BLMH: variants seen among roughly 807,000 people sequenced by gnomAD.
BLMH encodes the protein bleomycin hydrolase.
A neutral mutation model predicts 61.6 loss-of-function variants in BLMH; 32 were observed. The observed-to-expected ratio is 0.52, with a 90% CI of 0.39 to 0.70. The LOEUF is 0.70. Ranked by LOEUF, BLMH falls within the 30% of genes least tolerant of loss-of-function variation. BLMH has a pLI of 0.00. For synonymous variants in BLMH, 183 were observed against 193.8 expected (o/e 0.94, Z 0.46); for missense variants, 460 against 555.5 (o/e 0.83, Z 1.73).
In BLMH at chr17:30,288,636, C is replaced by G. The variant is rs567409474; in HGVS notation, c.322-689G>C. Among the ~76,000 whole-genome samples the G allele has an allele frequency of 2.6e-5, 4 of 152,178 alleles. No individual in the cohort carries two copies. In the South Asian group the frequency reaches 8.3e-4, roughly 32 times the overall value. On this transcript the variant is annotated intron_variant, in intron 3 of 11. Transcript: ENST00000261714. ...TGCTGGGATTACAGGCATGAGCCAC[C>G]AAACCAGGTCAGTAATATACATTTT...
intron 10 of BLMH, among the ~76,000 whole-genome samples, chr17:30,268,242 G>A (rs1026627133): frequency 7.2e-5 from 11 of 152,078 alleles, no homozygotes; most frequent in African/African-American, 2.7e-4. Context: ...TGTTTCCTAT[G>A]TTTTCCCCTT....
intron 2 of BLMH, chr17:30,291,097 T>C: frequency 1.7e-6 from 1 of 596,536 alleles, no homozygotes; most frequent in East Asian, 2.8e-5. Flanking sequence ...GACATGTCAC[T>C]TTTGTACTCT....
At chr17:30,259,430 C>T (rs1436732319) in intron 11 of BLMH, among the ~76,000 whole-genome samples, 1 of 152,146 alleles carries the variant, frequency 6.6e-6, no homozygotes, top group African/African-American at 2.4e-5. Flanking sequence ...CCCTCTAGTC[C>T]TGGGCTTCCT....
chr17:30,286,939 A>G, intron 4 of BLMH, 37 bp from the exon 5 acceptor site: 1 of 1,376,454 alleles, frequency 7.3e-7, no homozygotes, highest in Non-Finnish European at 1.0e-6. Flanking sequence ...AAGAAGGTAA[A>G]AAATTAGAAA....
chr17:30,250,461 T>C (rs982739281), intron 11 of BLMH, among the ~76,000 whole-genome samples: 3 of 152,098 alleles, frequency 2.0e-5, no homozygotes, highest in Admixed American at 2.0e-4. Context: ...AAAAAGAAGA[T>C]ACACAGCCAA....
Position 30,291,891 on chromosome 17 carries a change from G to A in BLMH, c.-72C>T. The A allele has an allele frequency of 1.6e-6, 2 of 1,270,958 alleles. No homozygotes were observed. Among genetic ancestry groups the A allele is most frequent in the East Asian group, 6.2e-5 (2 of 32,240 alleles). The allele number at this position is 1,270,958 out of a possible 1,614,324, so 78.7% of individuals were successfully genotyped here. A position where few individuals can be genotyped will look rare whatever the true frequency, so the allele number is the denominator to read the frequency against. ...GGGCGAGCGCCGGGATTGCGCTGCG[G>A]CTCGCTGCCTAGGGGGCCCGACCTG... On this transcript the variant is annotated 5_prime_UTR_variant, in exon 1 of 12. Coordinates refer to ENST00000261714, the MANE Select transcript of BLMH (RefSeq NM_000386.4).
Position 30,269,476 on chromosome 17 carries a change from C to A in BLMH, c.1146+1795G>T, listed in dbSNP as rs115119172. On this transcript the variant is annotated intron_variant, in intron 10 of 11. Transcript: ENST00000261714. ...GATTTCAGGTGTGAGTCACTGCACC[C>A]GGTCTAAAATTCCTTTTATAACCTA... Among the ~76,000 whole-genome samples, 643 of 152,126 alleles carry A rather than the reference C, an allele frequency of 4.2e-3. 3 individuals are homozygous for A. The highest frequency in any genetic ancestry group is 0.015 in the African/African-American group (620 of 41,492).
At chr17:30,272,421 A>T in intron 9 of BLMH, 140 bp downstream of exon 9, 1 of 889,694 alleles carries the variant, frequency 1.1e-6, no homozygotes, top group Admixed American at 1.9e-5. Context: ...CTCAAACTCT[A>T]AAGGATGCAA....
rs954292901 is a variant in BLMH, at chr17:30,291,117, T to A, written c.211+194A>T. ...GTCACTTTTGTACTCTAACCGCATGTACTAACAAGCCACAGAACAGCAAAA... is the reference window on the plus strand; with the variant it reads ...GTCACTTTTGTACTCTAACCGCATGAACTAACAAGCCACAGAACAGCAAAA... On this transcript the variant is annotated intron_variant, in intron 2 of 11. Transcript: ENST00000261714. 15 of 634,422 alleles carry A rather than the reference T, an allele frequency of 2.4e-5. No individual in the cohort carries two copies. In the Admixed American group the frequency reaches 4.4e-4, roughly 19 times the overall value. 39.3% of individuals were successfully genotyped at this position (634,422 alleles called of 1,614,324 possible).
At chr17:30,282,715 G>T (rs190242092) in intron 6 of BLMH, among the ~76,000 whole-genome samples, 1 of 152,282 alleles carries the variant, frequency 6.6e-6, no homozygotes, top group East Asian at 1.9e-4. Flanking sequence ...GAGCTTCACG[G>T]CTGTTGATTA....
At chr17:30,260,182 A>G (rs954418164) in intron 11 of BLMH, among the ~76,000 whole-genome samples, 5 of 152,150 alleles carry the variant, frequency 3.3e-5, no homozygotes, top group Admixed American at 1.3e-4. Context: ...GCCAATGACC[A>G]CTGTTACACA....
chr17:30,251,594 T>A (rs1270098266), intron 11 of BLMH, among the ~76,000 whole-genome samples: 1 of 152,132 alleles, frequency 6.6e-6, no homozygotes, highest in Non-Finnish European at 1.5e-5. Flanking sequence ...CTATACCATT[T>A]CCCACTACAC....
intron 11 of BLMH, among the ~76,000 whole-genome samples, chr17:30,251,398 A>G (rs1907663688): frequency 6.6e-6 from 1 of 152,254 alleles, no homozygotes; most frequent in Admixed American, 6.5e-5. Context: ...CTGCTGGGCC[A>G]CAGACAGAAC....
chr17:30,266,343 C>T (rs1055480983), intron 11 of BLMH, among the ~76,000 whole-genome samples: 4 of 151,642 alleles, frequency 2.6e-5, no homozygotes, highest in Admixed American at 6.6e-5. Context: ...CTGGCTAACA[C>T]GGTGAAACCC....
In BLMH at chr17:30,272,347, A is replaced by G. The variant is rs1597662634; in HGVS notation, c.1028+214T>C. 7 of 592,994 alleles carry G rather than the reference A, an allele frequency of 1.2e-5. No homozygotes were observed. In the East Asian group the frequency reaches 1.9e-4, roughly 16 times the overall value. 36.7% of individuals were successfully genotyped at this position (592,994 alleles called of 1,614,324 possible). Reference sequence around the variant, plus strand: ...AACGCCCAACGATTTCCACTCAGATAGAAAGTGGGATTTTGATGTCCTGGG... The same window carrying G: ...AACGCCCAACGATTTCCACTCAGATGGAAAGTGGGATTTTGATGTCCTGGG... On this transcript the variant is annotated intron_variant, in intron 9 of 11. Transcript: ENST00000261714.
chr17:30,261,047 T>TA (rs1907943601), intron 11 of BLMH, among the ~76,000 whole-genome samples: 1 of 152,192 alleles, frequency 6.6e-6, no homozygotes, highest in Admixed American at 6.5e-5. Flanking sequence ...AACCTGTGCT[T>TA]TTAAGTTCTA....
Position 30,248,232 on chromosome 17 carries a change from G to C in BLMH, c.*785C>G, listed in dbSNP as rs1190930507. ...CATTTAGCAAAGTTTTTATTCAAAA[G>C]CTTCTCAGCACCATCTAGTTATCAG... On this transcript the variant is annotated 3_prime_UTR_variant, in exon 12 of 12. Transcript: ENST00000261714. The C allele has an allele frequency of 6.6e-6, 1 of 152,532 alleles. No individual in the cohort carries two copies. The highest frequency in any genetic ancestry group is 2.4e-5 in the African/African-American group (1 of 41,396). 9.4% of individuals were successfully genotyped at this position (152,532 alleles called of 1,614,324 possible). A position where few individuals can be genotyped will look rare whatever the true frequency, so the allele number is the denominator to read the frequency against.
At chr17:30,280,205 T>C (rs1292612234) in intron 6 of BLMH, among the ~76,000 whole-genome samples, 1 of 152,202 alleles carries the variant, frequency 6.6e-6, no homozygotes, top group Non-Finnish European at 1.5e-5. Flanking sequence ...CTTAAAAATC[T>C]TCCTGACTTC....
At position 30,286,922 on chromosome 17, in the gene BLMH, A is replaced by T. The variant is rs1191945047; in HGVS notation, c.464-20T>A. On this transcript the variant is annotated intron_variant, in intron 4 of 11. Coordinates refer to ENST00000261714, the MANE Select transcript of BLMH (RefSeq NM_000386.4). Reference sequence around the variant, plus strand: ...ATTTTTCTAAAAGAAAACAAATTCTAGTGTTAAAGAAGGTAAAAAATTAGA... The same window carrying T: ...ATTTTTCTAAAAGAAAACAAATTCTTGTGTTAAAGAAGGTAAAAAATTAGA... 6.7e-7 allele frequency: 1 copy of T among 1,482,712 alleles called. No homozygotes were observed. Among genetic ancestry groups the T allele is most frequent in the South Asian group, 1.2e-5 (1 of 84,636 alleles). The allele number at this position is 1,482,712 out of a possible 1,614,324, so 91.8% of individuals were successfully genotyped here.
Sources: gnomAD v4.1 joint callset for allele counts (sites outside exome capture counted in the v4.1 genomes callset) on GRCh38, gnomAD v4.1.1 for gene constraint, MANE v1.5 for transcripts, NCBI Gene and HGNC (gene_info 2026-07-23, HGNC 2026-07-21) for gene names.